The following NUDCD3 variants were observed in gnomAD, a reference collection of about 807,000 sequenced individuals.
NUDCD3 encodes NudC domain containing 3.
Under a neutral mutation model 39.7 loss-of-function variants are expected in NUDCD3, and 13 were observed. The ratio of observed to expected loss-of-function variants is 0.33; its 90% CI spans 0.21 to 0.52. NUDCD3 has a LOEUF of 0.52. Among genes scored for constraint, NUDCD3 ranks in the 20% least tolerant of loss-of-function variants. NUDCD3 has a pLI of 0.96. For missense variants in NUDCD3, 453 were observed against 458.1 expected (o/e 0.99, Z 0.10); for synonymous variants, 175 against 172.4 (o/e 1.02, Z -0.12).
intron 4 of NUDCD3, among the ~76,000 whole-genome samples, chr7:44,397,749 T>A (rs1002977359): frequency 6.6e-6 from 1 of 152,088 alleles, no homozygotes. Flanking sequence ...TATAATAACA[T>A]AGTATTTTCT....
At chr7:44,449,852 TA>T (rs58410314) in intron 2 of NUDCD3, among the ~76,000 whole-genome samples, 25,180 of 100,802 alleles carry the variant, frequency 0.25, 2,191 homozygotes, top group Non-Finnish European at 0.29. Flanking sequence ...ACATGATCCA[TA>T]AAAAAAAAAA....
rs143501353 is a variant in NUDCD3 at position 44,428,800 on chromosome 7, C to A, written c.510-1097G>T. 1.6e-3 allele frequency among the ~76,000 whole-genome samples: 241 copies of A among 152,284 alleles called. 1 individual carries two copies. Among genetic ancestry groups the A allele is most frequent in the Non-Finnish European group, 2.3e-3 (158 of 68,020 alleles). On this transcript the variant is annotated intron_variant, in intron 2 of 5. Transcript: ENST00000355451. The stretch of plus-strand genomic sequence containing the variant: ...AAGTCCATTATAGTGAACTGAAGAT[C>A]TAAATTACAGACAAAAGCCTAGTCA...
chr7:44,489,625 T>G (rs1206783697), intron 1 of NUDCD3, among the ~76,000 whole-genome samples: 10 of 152,236 alleles, frequency 6.6e-5, no homozygotes, highest in Admixed American at 6.5e-4. Flanking sequence ...AAAACTTCAC[T>G]TCTCAACCAT....
At chr7:44,450,179 ATT>A (rs374708841) in intron 2 of NUDCD3, among the ~76,000 whole-genome samples, 30 of 144,200 alleles carry the variant, frequency 2.1e-4, no homozygotes, top group Admixed American at 4.2e-4. Flanking sequence ...AGAATGTCTA[ATT>A]TTTTTTTTTT....
rs186446266 is a variant in NUDCD3, at chr7:44,411,275, A to T, written c.643-6692T>A. On this transcript the variant is annotated intron_variant, in intron 3 of 5. Transcript: ENST00000355451. ...ACAAGCAGCCAAAGCAAAAAAAAAA[A>T]ATATTGACTTCATCAAAATTTAAAA... 5.5e-4 allele frequency among the ~76,000 whole-genome samples: 84 copies of T among 152,322 alleles called. 1 individual carries two copies. In the East Asian group the frequency reaches 0.013, roughly 23 times the overall value.
At chr7:44,437,578 G>T (rs866838526) in intron 2 of NUDCD3, among the ~76,000 whole-genome samples, 1 of 152,194 alleles carries the variant, frequency 6.6e-6, no homozygotes, top group African/African-American at 2.4e-5. Flanking sequence ...ACTCTGGCCT[G>T]TGTGGGGGCC....
intron 3 of NUDCD3, among the ~76,000 whole-genome samples, chr7:44,423,734 C>T (rs6957478): frequency 0.13 from 19,574 of 151,998 alleles, 1,673 homozygotes; most frequent in Non-Finnish European, 0.19. Flanking sequence ...AATTTATAGA[C>T]GCAATGCTAT....
At chr7:44,429,115 G>T (rs1047804383) in intron 2 of NUDCD3, among the ~76,000 whole-genome samples, 1 of 152,144 alleles carries the variant, frequency 6.6e-6, no homozygotes, top group South Asian at 2.1e-4. Flanking sequence ...ACCTACTGTG[G>T]GTATGCCCTG....
At position 44,453,703 on chromosome 7, in the gene NUDCD3, C is replaced by A. The variant is rs1004183575; in HGVS notation, c.510-26000G>T. On this transcript the variant is annotated intron_variant, in intron 2 of 5. Transcript: ENST00000355451. ...AAGGTAGGCACACAGGAAAGGTGAA[C>A]GTCACAAGCCAAAATGCTGGGATTT... is the stretch of plus-strand genomic sequence containing the variant. 1.1e-4 allele frequency among the ~76,000 whole-genome samples: 17 copies of A among 152,230 alleles called. No homozygotes were observed. The South Asian group carries it at 2.5e-3, about 22-fold the overall frequency.
chr7:44,461,704 T>C (rs1482665261), intron 2 of NUDCD3, among the ~76,000 whole-genome samples: 2 of 152,146 alleles, frequency 1.3e-5, no homozygotes, highest in Admixed American at 6.5e-5. Flanking sequence ...TCAGCCATAA[T>C]GGTTGAAAGG....
chr7:44,436,315 T>C (rs1045114734), intron 2 of NUDCD3, among the ~76,000 whole-genome samples: 1 of 152,192 alleles, frequency 6.6e-6, no homozygotes, highest in Non-Finnish European at 1.5e-5. Flanking sequence ...GGGAGAAAGA[T>C]GAAACAACAA....
intron 3 of NUDCD3, among the ~76,000 whole-genome samples, chr7:44,414,651 G>T (rs1294540954): frequency 6.6e-6 from 1 of 152,108 alleles, no homozygotes; most frequent in Non-Finnish European, 1.5e-5. Flanking sequence ...TGTTATACAA[G>T]TTTTTGCTTT....
intron 2 of NUDCD3, among the ~76,000 whole-genome samples, 194 bp from the exon 3 acceptor site, chr7:44,427,897 C>G (rs1799269345): frequency 6.6e-6 from 1 of 151,922 alleles, no homozygotes; most frequent in Non-Finnish European, 1.5e-5. Context: ...TACATGGTAC[C>G]CATGGAAATC....
intron 2 of NUDCD3, chr7:44,471,724 GACCTTAGATAT>G (rs1425609738): frequency 6.6e-6 from 1 of 152,254 alleles, no homozygotes; most frequent in Non-Finnish European, 1.5e-5. Context: ...GTGACACACA[GACCTTAGATAT>G]ACCTCTTAGA....
chr7:44,389,592 G>A (rs1798471449), intron 5 of NUDCD3, among the ~76,000 whole-genome samples: 1 of 152,224 alleles, frequency 6.6e-6, no homozygotes, highest in East Asian at 1.9e-4. Context: ...TCCTGGGGAG[G>A]ATTATCAATG....
chr7:44,441,383 T>C (rs1413489951), intron 2 of NUDCD3, among the ~76,000 whole-genome samples: 2 of 152,220 alleles, frequency 1.3e-5, no homozygotes, highest in Non-Finnish European at 2.9e-5. Flanking sequence ...GAAGATATTA[T>C]ATCCTGGGAG....
intron 2 of NUDCD3, among the ~76,000 whole-genome samples, chr7:44,477,318 C>T (rs1421454776): frequency 1.3e-5 from 2 of 152,168 alleles, no homozygotes; most frequent in Non-Finnish European, 2.9e-5. Context: ...AAAAAGATAA[C>T]CAGTCCAAGC....
chr7:44,412,333 G>A (rs1247506987), intron 3 of NUDCD3, among the ~76,000 whole-genome samples: 3 of 152,190 alleles, frequency 2.0e-5, no homozygotes, highest in East Asian at 1.9e-4. Flanking sequence ...CATACAACTT[G>A]TAACAGATGG....
intron 2 of NUDCD3, among the ~76,000 whole-genome samples, chr7:44,448,427 C>T (rs995202880): frequency 2.6e-5 from 4 of 152,146 alleles, no homozygotes; most frequent in African/African-American, 7.2e-5. Flanking sequence ...CTGCCCGAGG[C>T]GCCGGAGAGA....
Sources: allele counts gnomAD v4.1 joint callset (sites outside exome capture counted in the v4.1 genomes callset), GRCh38; gene constraint gnomAD v4.1.1; transcripts MANE v1.5; gene names NCBI Gene and HGNC (gene_info 2026-07-23, HGNC 2026-07-21).